CFAP47: variants seen among roughly 807,000 people sequenced by gnomAD.
CFAP47 encodes cilia- and flagella-associated protein 47.
CFAP47 carries 29 observed loss-of-function variants against 148.1 expected under a neutral mutation model. The ratio of observed to expected loss-of-function variants is 0.20; its 90% CI spans 0.15 to 0.27. The LOEUF is 0.27. Ranked by LOEUF, CFAP47 falls within the 10% of genes least tolerant of loss-of-function variation. CFAP47 has a pLI of 1.00. For missense variants in CFAP47, 1,872 were observed against 1,697.5 expected, an observed-to-expected ratio of 1.10 and a Z score of -1.81; for synonymous variants, 664 against 577.3, an observed-to-expected ratio of 1.15 and a Z score of -2.15.
intron 51 of CFAP47, among the ~76,000 whole-genome samples, chrX:36,288,999 C>CTTTTTTTTTTTTTTTT (rs34230885): frequency 3.0e-5 from 2 of 66,472 alleles, no homozygotes; most frequent in Non-Finnish European, 2.8e-5. Context: ...TTCTTTCATC[C>CTTTTTTTTTTTTTTTT]TTTTTTTTTT....
At chrX:35,926,762 C>T (rs1226147539) in intron 2 of CFAP47, among the ~76,000 whole-genome samples, 2 of 111,433 alleles carry the variant, frequency 1.8e-5, no homozygotes, top group Non-Finnish European at 3.8e-5. Context: ...TCTTTTGCCT[C>T]TATTTGCCCA....
rs1356546222 is a variant in CFAP47 at position 36,385,302 on chromosome X, C to A, written c.*296C>A. ...TCCAATAACAGCGTTGCTAATAAAG[C>A]TAAATGTCTCATGTAGATATTCCTT... On this transcript the variant is annotated 3_prime_UTR_variant, in exon 64 of 64. Transcript: ENST00000378653. The A allele has an allele frequency of 9.1e-6, 2 of 220,354 alleles. No homozygotes were observed. The highest frequency in any genetic ancestry group is 2.1e-4 in the East Asian group (2 of 9,560). The allele number at this position is 220,354 out of a possible 1,213,427, so 18.2% of individuals were successfully genotyped here.
At chrX:35,965,032 G>T (rs1272086364) in intron 8 of CFAP47, among the ~76,000 whole-genome samples, 1 of 111,277 alleles carries the variant, frequency 9.0e-6, no homozygotes, top group East Asian at 2.8e-4. Flanking sequence ...GATTATTTGG[G>T]TGTCTCGTAT....
Position 36,096,118 on chromosome X carries a change from T to C in CFAP47, c.4917-2675T>C, listed in dbSNP as rs148814844. ...ATTTATTCATTGAACCACTGGTCAC[T>C]CAGGAGCACATTTTTAAGTTTTCAC... On this transcript the variant is annotated intron_variant, in intron 30 of 63. Transcript: ENST00000378653. 4.3e-3 allele frequency among the ~76,000 whole-genome samples: 477 copies of C among 110,307 alleles called. 2 individuals are homozygous for C. Among genetic ancestry groups the C allele is most frequent in the African/African-American group, 0.015 (453 of 30,487 alleles).
intron 45 of CFAP47, among the ~76,000 whole-genome samples, chrX:36,214,872 G>C (rs5973612): frequency 0.057 from 6,379 of 111,079 alleles, 500 homozygotes; most frequent in African/African-American, 0.2. Context: ...CTATTTTACA[G>C]TTAATTTTTA....
intron 15 of CFAP47, among the ~76,000 whole-genome samples, chrX:35,986,908 CCT>C (rs905149252): frequency 9.0e-6 from 1 of 111,312 alleles, no homozygotes; most frequent in African/African-American, 3.3e-5. Context: ...CACTCCAGAC[CCT>C]GTTTGCCTGG....
chrX:35,971,566 T>G lies in CFAP47; in HGVS notation c.1971-20T>G. On this transcript the variant is annotated intron_variant, in intron 11 of 63. Transcript: ENST00000378653. Reference sequence around the variant, plus strand: ...TGACTTGACCTCAATTACTGATTATTATTATTATTAATTTTATAGGGAGCG... The same window carrying G: ...TGACTTGACCTCAATTACTGATTATGATTATTATTAATTTTATAGGGAGCG... 1 of 994,241 alleles carries G rather than the reference T, an allele frequency of 1.0e-6. No individual in the cohort carries two copies. The highest frequency in any genetic ancestry group is 3.4e-5 in the East Asian group (1 of 29,461). 81.9% of individuals were successfully genotyped at this position (994,241 alleles called of 1,213,427 possible).
chrX:35,925,189 A>C (rs892721211), intron 1 of CFAP47, among the ~76,000 whole-genome samples: 1 of 110,864 alleles, frequency 9.0e-6, no homozygotes, highest in Non-Finnish European at 1.9e-5. Context: ...TGGCTAACAC[A>C]GTGAAACCCC....
At chrX:36,076,679 C>G (rs975556503) in intron 29 of CFAP47, among the ~76,000 whole-genome samples, 1 of 111,301 alleles carries the variant, frequency 9.0e-6, no homozygotes, top group Admixed American at 9.6e-5. Flanking sequence ...TGCTCCCATT[C>G]TGTAGGTTGT....
chrX:36,117,742 T>A (rs1601990532), intron 33 of CFAP47, among the ~76,000 whole-genome samples: 1 of 111,865 alleles, frequency 8.9e-6, no homozygotes, highest in South Asian at 3.7e-4. Context: ...GAAGCTTTTT[T>A]ACTTAATATG....
Position 35,948,495 on chromosome X carries a change from A to G in CFAP47, c.656+43A>G, listed in dbSNP as rs745846015. 4 of 1,035,843 alleles carry G rather than the reference A, an allele frequency of 3.9e-6. No individual in the cohort carries two copies. In the East Asian group the frequency reaches 1.2e-4, roughly 32 times the overall value. The allele number at this position is 1,035,843 out of a possible 1,213,427, so 85.4% of individuals were successfully genotyped here. Reference sequence around the variant, plus strand: ...TTCTAAAAATTATAATACAGATCTCAATGCTTTCCCGTTTAACCCTGCAGA... The same window carrying G: ...TTCTAAAAATTATAATACAGATCTCGATGCTTTCCCGTTTAACCCTGCAGA... On this transcript the variant is annotated intron_variant, in intron 4 of 63. Transcript: ENST00000378653.
intron 39 of CFAP47, among the ~76,000 whole-genome samples, chrX:36,172,069 G>T (rs1437860501): frequency 9.2e-6 from 1 of 109,026 alleles, no homozygotes; most frequent in Non-Finnish European, 1.9e-5. Flanking sequence ...AATTGTGAAT[G>T]GGAGTTCACT....
Position 35,955,975 on chromosome X carries a change from A to C in CFAP47, c.1189A>C (p.Lys397Gln), listed in dbSNP as rs1158238061. 2 of 1,209,360 alleles carry C rather than the reference A, an allele frequency of 1.7e-6. No homozygotes were observed. The highest frequency in any genetic ancestry group is 2.2e-6 in the Non-Finnish European group (2 of 894,898). ...YKTIKSERFQ[K>Q]VELALTGTGL... Reference sequence around the variant, plus strand: ...TGCTTTTACAGGTGAACGATTTCAGAAAGTGGAATTAGCACTGACAGGCAC... The same window carrying C: ...TGCTTTTACAGGTGAACGATTTCAGCAAGTGGAATTAGCACTGACAGGCAC... Residue 397 changes from lysine (K) to glutamine (Q), a missense_variant, in exon 8 of 64, where the codon AAA becomes CAA. Coordinates refer to ENST00000378653, the MANE Select transcript of CFAP47 (RefSeq NM_001304548.2).
At chrX:36,058,441 G>GT (rs1937570953) in intron 26 of CFAP47, among the ~76,000 whole-genome samples, 1 of 111,536 alleles carries the variant, frequency 9.0e-6, no homozygotes, top group Non-Finnish European at 1.9e-5. Flanking sequence ...TAGAAATTGG[G>GT]AACCATTTTC....
At chrX:36,334,431 C>A (rs1274308019) in intron 57 of CFAP47, among the ~76,000 whole-genome samples, 1 of 111,144 alleles carries the variant, frequency 9.0e-6, no homozygotes, top group Non-Finnish European at 1.9e-5. Context: ...ATGTTTTTGT[C>A]TTCTAAATTA....
intron 48 of CFAP47, among the ~76,000 whole-genome samples, chrX:36,247,645 A>G (rs1303291992): frequency 9.0e-6 from 1 of 110,921 alleles, no homozygotes; most frequent in African/African-American, 3.3e-5. Flanking sequence ...AAAACCCAAG[A>G]CATCTTAGAA....
chrX:36,019,921 T>C (rs1937139213), intron 22 of CFAP47, among the ~76,000 whole-genome samples: 1 of 112,093 alleles, frequency 8.9e-6, no homozygotes, highest in Admixed American at 9.5e-5. Context: ...CTCTCTTCAT[T>C]TCATTTTTTA....
chrX:35,924,166 T>C (rs1035675468), intron 1 of CFAP47, among the ~76,000 whole-genome samples: 22 of 100,532 alleles, frequency 2.2e-4, no homozygotes, highest in Non-Finnish European at 3.7e-4. Flanking sequence ...TATATGTATA[T>C]ATGTACATGT....
chrX:36,097,008 G>A (rs1173131881), intron 30 of CFAP47, among the ~76,000 whole-genome samples: 1 of 109,703 alleles, frequency 9.1e-6, no homozygotes, highest in African/African-American at 3.3e-5. Context: ...ATGTTTTGTG[G>A]TTTGTGGTTA....
Sources: allele counts gnomAD v4.1 joint callset (sites outside exome capture counted in the v4.1 genomes callset), GRCh38; gene constraint gnomAD v4.1.1; transcripts MANE v1.5; gene names NCBI Gene and HGNC (gene_info 2026-07-23, HGNC 2026-07-21).